Variants in RAD54B observed in about 807,000 individuals in gnomAD.
The protein encoded by RAD54B is DNA repair and recombination protein RAD54B.
In RAD54B, 78 loss-of-function variants were observed where a neutral mutation model predicts 95.8. That is an observed-to-expected ratio of 0.81 (90% CI 0.68 to 0.98). The LOEUF (loss-of-function observed/expected upper bound fraction) is 0.98. RAD54B is among the 50% of genes least tolerant of loss of function. RAD54B has a pLI of 0.00. For synonymous variants in RAD54B, 328 were observed against 354.9 expected, an observed-to-expected ratio of 0.92 and a Z score of 0.85; for missense variants, 957 against 1,056.6, an observed-to-expected ratio of 0.91 and a Z score of 1.31.
intron 3 of RAD54B, among the ~76,000 whole-genome samples, chr8:94,419,166 T>C (rs1041821028): frequency 6.6e-6 from 1 of 152,168 alleles, no homozygotes; most frequent in African/African-American, 2.4e-5. Context: ...TTAAAATATT[T>C]AAGTAAAAAA....
chr8:94,439,759 C>A (rs1812356008), intron 3 of RAD54B, among the ~76,000 whole-genome samples: 2 of 152,170 alleles, frequency 1.3e-5, no homozygotes, highest in South Asian at 4.2e-4. Flanking sequence ...TATCTGAAGA[C>A]CTGGGATCAA....
At chr8:94,397,542 C>A (rs996389997) in intron 8 of RAD54B, among the ~76,000 whole-genome samples, 2 of 151,940 alleles carry the variant, frequency 1.3e-5, no homozygotes, top group Non-Finnish European at 2.9e-5. Flanking sequence ...TGAATGAAAT[C>A]CTAGATCAAT....
intron 14 of RAD54B, 111 bp downstream of exon 14, chr8:94,378,069 C>A: frequency 3.6e-5 from 24 of 670,750 alleles, no homozygotes; most frequent in South Asian, 1.1e-4. Context: ...AAAAATAAAA[C>A]TAACATATGC....
chr8:94,432,027 T>G, intron 3 of RAD54B: 1 of 1,391,032 alleles, frequency 7.2e-7, no homozygotes, highest in Non-Finnish European at 9.3e-7. Flanking sequence ...ATAATAGAGA[T>G]TAACAACATT....
chr8:94,383,510 G>A (rs1358247760), intron 11 of RAD54B, among the ~76,000 whole-genome samples: 1 of 152,174 alleles, frequency 6.6e-6, no homozygotes, highest in Non-Finnish European at 1.5e-5. Context: ...AAGGTATTTT[G>A]AGAAAGAAAG....
intron 3 of RAD54B, chr8:94,437,035 C>A: frequency 7.4e-7 from 1 of 1,345,110 alleles, no homozygotes; most frequent in African/African-American, 1.5e-5. Flanking sequence ...TAAGCTGACG[C>A]AGGTTCAGGA....
chr8:94,399,375 CA>C (rs532747229), intron 8 of RAD54B, 38 bp downstream of exon 8: 151 of 1,565,022 alleles, frequency 9.6e-5, no homozygotes, highest in Non-Finnish European at 1.3e-4. Context: ...GTTCACTAGG[CA>C]AAAATTCCAA....
chr8:94,451,755 C>G (rs558864548), intron 3 of RAD54B, among the ~76,000 whole-genome samples: 11 of 152,154 alleles, frequency 7.2e-5, no homozygotes, highest in African/African-American at 2.4e-4. Flanking sequence ...GCCTGTACTC[C>G]TTAAGTTAAA....
At chr8:94,413,784 A>G (rs931662733) in intron 3 of RAD54B, among the ~76,000 whole-genome samples, 12 of 151,770 alleles carry the variant, frequency 7.9e-5, no homozygotes, top group Admixed American at 2.6e-4. Context: ...AAATATTCAC[A>G]GCATATGAAT....
At chr8:94,399,938 G>A (rs1227605955) in intron 7 of RAD54B, among the ~76,000 whole-genome samples, 1 of 152,114 alleles carries the variant, frequency 6.6e-6, no homozygotes, top group Non-Finnish European at 1.5e-5. Context: ...AAGTTCTGGT[G>A]TCTCTTGCTC....
intron 12 of RAD54B, among the ~76,000 whole-genome samples, chr8:94,379,940 A>G (rs1810691633): frequency 1.3e-5 from 2 of 152,196 alleles, no homozygotes; most frequent in South Asian, 4.1e-4. Flanking sequence ...CTATATCTTC[A>G]TCTGTAAAAT....
At chr8:94,396,438 A>G (rs1811148453) in intron 8 of RAD54B, among the ~76,000 whole-genome samples, 1 of 151,932 alleles carries the variant, frequency 6.6e-6, no homozygotes, top group African/African-American at 2.4e-5. Flanking sequence ...TTTAAAAAAG[A>G]AATAAATCTA....
chr8:94,396,422 T>C (rs1811147701), intron 8 of RAD54B, among the ~76,000 whole-genome samples: 1 of 151,982 alleles, frequency 6.6e-6, no homozygotes, highest in Admixed American at 6.6e-5. Flanking sequence ...TTTTTTGGTT[T>C]GTTTTTTTAA....
intron 3 of RAD54B, among the ~76,000 whole-genome samples, chr8:94,414,822 C>T (rs1249395695): frequency 6.6e-6 from 1 of 151,990 alleles, no homozygotes; most frequent in Non-Finnish European, 1.5e-5. Flanking sequence ...ACGTGAAGGA[C>T]CTCTTCAAGG....
At chr8:94,444,977 C>T (rs1812486947) in intron 3 of RAD54B, among the ~76,000 whole-genome samples, 2 of 152,200 alleles carry the variant, frequency 1.3e-5, no homozygotes, top group Non-Finnish European at 2.9e-5. Flanking sequence ...CGAGCAGGCA[C>T]ACCTGACCCA....
At chr8:94,437,057 G>T in intron 3 of RAD54B, 2 of 1,203,708 alleles carry the variant, frequency 1.7e-6, no homozygotes, top group Non-Finnish European at 2.2e-6. Context: ...ATCTGCTTAA[G>T]CCAAGCCTGA....
intron 1 of RAD54B, among the ~76,000 whole-genome samples, chr8:94,468,772 T>C (rs888196099): frequency 6.6e-6 from 1 of 151,584 alleles, no homozygotes; most frequent in African/African-American, 2.4e-5. Flanking sequence ...GAGCTTGCAG[T>C]GAGCTCAGAT....
At chr8:94,422,785 G>A (rs1315622670) in intron 3 of RAD54B, among the ~76,000 whole-genome samples, 7 of 141,356 alleles carry the variant, frequency 5.0e-5, no homozygotes, top group Admixed American at 2.8e-4. Flanking sequence ...TAATTGTTAG[G>A]GGTGGTTATT....
At chr8:94,432,636 G>A in intron 3 of RAD54B, 1 of 1,537,704 alleles carries the variant, frequency 6.5e-7, no homozygotes, top group Non-Finnish European at 8.8e-7. Flanking sequence ...ACCAGCCTGT[G>A]CCTCCTCATC....
Sources: gnomAD v4.1 joint callset for allele counts (sites outside exome capture counted in the v4.1 genomes callset) on GRCh38, gnomAD v4.1.1 for gene constraint, MANE v1.5 for transcripts, NCBI Gene and HGNC (gene_info 2026-07-23, HGNC 2026-07-21) for gene names.